The following ALG3 variants were observed in gnomAD, a reference collection of about 807,000 sequenced individuals.
ALG3 encodes the protein ALG3 alpha-1,3- mannosyltransferase.
A neutral mutation model predicts 50.5 loss-of-function variants in ALG3; 39 were observed. That is an observed-to-expected ratio of 0.77 (90% confidence interval 0.60 to 1.01). The LOEUF is 1.01. ALG3 is among the 50% of genes least tolerant of loss of function. The pLI is 0.00. For synonymous variants in ALG3, 252 were observed against 237.2 expected, an observed-to-expected ratio of 1.06 and a Z score of -0.58; for missense variants, 520 against 554.8, an observed-to-expected ratio of 0.94 and a Z score of 0.63.
intron 1 of ALG3, among the ~76,000 whole-genome samples, chr3:184,247,473 T>G (rs1005742255): frequency 1.3e-5 from 2 of 150,666 alleles, no homozygotes; most frequent in African/African-American, 4.9e-5. Flanking sequence ...AATTTTTGTA[T>G]TTTTAGTAGA....
chr3:184,248,638 G>A (rs1166472810), intron 1 of ALG3, 107 bp downstream of exon 1: 3 of 1,047,178 alleles, frequency 2.9e-6, no homozygotes, highest in Non-Finnish European at 4.1e-6. Context: ...CGCAATTGAC[G>A]AGTGAGTGGA....
chr3:184,247,302 A>ATT (rs111752684), intron 1 of ALG3, among the ~76,000 whole-genome samples: 4,417 of 143,140 alleles, frequency 0.031, 235 homozygotes, highest in African/African-American at 0.11. Context: ...GTCTAACTGA[A>ATT]TTTTTTTTTT....
At chr3:184,249,433 G>T, upstream of ALG3, 2 of 885,906 alleles carry the variant, frequency 2.3e-6, no homozygotes, top group Non-Finnish European at 1.7e-6. Context: ...AGAGGACGCA[G>T]TGATGAGCCC....
Position 184,248,810 on chromosome 3 carries a change from A to T in ALG3, c.131T>A (p.Leu44Gln). ...LLLREPRYTL[L>Q]VAACLCLAEV... is the part of the protein sequence containing the mutation. ...CGCCAGGCAGAGGCAGGCGGCCACC[A>T]GCAGCGTGTAGCGCGGCTCCCGCAG... The change falls in exon 1 of 9, where the codon CTG (leucine) becomes CAG (glutamine). Residue 44 changes from leucine to glutamine, a missense_variant. Physicochemically the swap from Leu to Gln is moderately radical, Grantham distance 113. This residue lies in a region of ALG3 where 290 missense variants were observed against 265.9 expected (regional missense o/e 1.09). Coordinates refer to ENST00000397676, the MANE Select transcript of ALG3 (RefSeq NM_005787.6). The T allele has an allele frequency of 6.3e-7, 1 of 1,589,462 alleles. No individual in the cohort carries two copies. Among genetic ancestry groups the T allele is most frequent in the African/African-American group, 1.4e-5 (1 of 73,674 alleles).
intron 1 of ALG3, among the ~76,000 whole-genome samples, chr3:184,246,034 T>C (rs1215539166): frequency 6.6e-6 from 1 of 152,158 alleles, no homozygotes; most frequent in Non-Finnish European, 1.5e-5. Context: ...TCCAATCTAC[T>C]CCTTTTCCTG....
Position 184,243,972 on chromosome 3 carries a change from G to A in ALG3, c.751C>T (p.Leu251=). Residue 251 remains leucine, a synonymous_variant, in exon 6 of 9, where the codon CTG becomes TTG. Transcript: ENST00000397676. ...LQVVLGLPFL[L]ENPSGYLSRS... is the part of the protein sequence containing the mutation. The stretch of plus-strand genomic sequence containing the variant: ...GACAGGTAGCCGCTGGGGTTCTCCA[G>A]CAGGAAGGGCAGCCCCAGCACCACC... The A allele has an allele frequency of 1.2e-6, 2 of 1,613,278 alleles. No individual in the cohort carries two copies. Among genetic ancestry groups the A allele is most frequent in the Non-Finnish European group, 1.7e-6 (2 of 1,179,804 alleles).
upstream of ALG3, chr3:184,249,496 C>T: frequency 1.3e-6 from 1 of 757,112 alleles, no homozygotes. Context: ...GGCAGTACAG[C>T]CGGAGGATTC....
upstream of ALG3, chr3:184,249,069 C>G: frequency 6.7e-7 from 1 of 1,484,546 alleles, no homozygotes; most frequent in Non-Finnish European, 9.2e-7. Context: ...TCTTCATTTA[C>G]TCCACTAAAA....
In ALG3 at chr3:184,243,892, G is replaced by A. The variant is rs1156741865; in HGVS notation, c.831C>T (p.Arg277=). Reference sequence around the variant, plus strand: ...GCAGGAAGAGCGCCTCTGGGAGGAAGCGCCAGTTCACTGTCCAGTGGAACA... The same window carrying A: ...GCAGGAAGAGCGCCTCTGGGAGGAAACGCCAGTTCACTGTCCAGTGGAACA... ...QFLFHWTVNW[R]FLPEALFLHR... The change falls in exon 6 of 9, where the codon CGC becomes CGT. Residue 277 remains arginine (R), a synonymous_variant. Transcript: ENST00000397676. 1 of 1,614,024 alleles carries A rather than the reference G, an allele frequency of 6.2e-7. No individual in the cohort carries two copies. The highest frequency in any genetic ancestry group is 2.2e-5 in the East Asian group (1 of 44,886).
intron 5 of ALG3, 78 bp from the exon 6 acceptor site, chr3:184,244,074 T>C: frequency 7.0e-7 from 1 of 1,426,374 alleles, no homozygotes; most frequent in South Asian, 1.3e-5. Context: ...CATTGAGGGG[T>C]GTGGGACGGG....
At chr3:184,248,672 A>T in intron 1 of ALG3, 73 bp downstream of exon 1, 1 of 1,372,334 alleles carries the variant, frequency 7.3e-7, no homozygotes, top group Non-Finnish European at 9.9e-7. Context: ...TTGGAGTTCC[A>T]GGTCTGAGAT....
At chr3:184,247,302 A>T (rs1560165830) in intron 1 of ALG3, among the ~76,000 whole-genome samples, 3 of 143,120 alleles carry the variant, frequency 2.1e-5, no homozygotes, top group Non-Finnish European at 3.1e-5. Context: ...GTCTAACTGA[A>T]TTTTTTTTTT....
chr3:184,243,085 G>T, intron 7 of ALG3, 128 bp from the exon 8 acceptor site: 1 of 1,303,460 alleles, frequency 7.7e-7, no homozygotes, highest in Non-Finnish European at 1.1e-6. Flanking sequence ...CTTTGGGCAA[G>T]TTTATTAACC....
At chr3:184,248,628 C>T (rs918861261) in intron 1 of ALG3, 117 bp downstream of exon 1, 24 of 951,848 alleles carry the variant, frequency 2.5e-5, no homozygotes, top group Non-Finnish European at 3.5e-5. Flanking sequence ...TGGATGGGTT[C>T]GCAATTGACG....
At chr3:184,245,933 TAATC>T (rs1488315954) in intron 1 of ALG3, 121 bp from the exon 2 acceptor site, 1 of 721,230 alleles carries the variant, frequency 1.4e-6, no homozygotes, top group Non-Finnish European at 2.4e-6. Context: ...TACTACCTCT[TAATC>T]TAACTCTTTA....
In ALG3 at chr3:184,243,578, G is replaced by C. The variant is rs751758378; in HGVS notation, c.985C>G (p.Pro329Ala). ...LLRDPSKRKV[P>A]PQPLTPNQIV... ...TGGTTGGGTGTAAGGGGCTGGGGTG[G>C]AACCTTCCTTTTGGAGGGATCCCTC... The change falls in exon 7 of 9, where the codon CCA (proline) becomes GCA (alanine). Residue 329 changes from proline to alanine, a missense_variant. By Grantham distance (27) the Pro-to-Ala change is conservative. Transcript: ENST00000397676. 29 of 1,613,756 alleles carry C rather than the reference G, an allele frequency of 1.8e-5. No individual in the cohort carries two copies. In the South Asian group the frequency reaches 3.1e-4, roughly 17 times the overall value.
chr3:184,244,809 AG>A (rs1257480952), intron 4 of ALG3, 88 bp from the exon 5 acceptor site: 7 of 1,506,020 alleles, frequency 4.6e-6, no homozygotes, highest in Non-Finnish European at 6.2e-6. Context: ...CCATCACCAC[AG>A]CAACCTCCCC....
chr3:184,248,975 C>G (rs565136983), upstream of ALG3: 1 of 1,548,546 alleles, frequency 6.5e-7, no homozygotes, highest in South Asian at 1.2e-5. Flanking sequence ...GCCCACCACC[C>G]CCGGAAACCC....
At chr3:184,248,610 A>G (rs1011208191) in intron 1 of ALG3, 135 bp downstream of exon 1, 3 of 796,054 alleles carry the variant, frequency 3.8e-6, no homozygotes, top group Admixed American at 6.1e-5. Flanking sequence ...GCGCTCAGGT[A>G]AGGGATATGG....
Sources: gnomAD v4.1 joint callset for allele counts (sites outside exome capture counted in the v4.1 genomes callset) on GRCh38, gnomAD v4.1.1 for gene constraint, gnomAD v4.1.1 regional missense constraint, MANE v1.5 for transcripts, NCBI Gene and HGNC (gene_info 2026-07-23, HGNC 2026-07-21) for gene names.